The following TASOR variants were observed in gnomAD, a reference collection of about 807,000 sequenced individuals.
The protein encoded by TASOR is protein TASOR.
Under a neutral mutation model 178.6 loss-of-function variants are expected in TASOR, and 53 were observed. The ratio of observed to expected loss-of-function variants is 0.30; its 90% CI spans 0.24 to 0.37. The LOEUF (loss-of-function observed/expected upper bound fraction) is 0.37, where lower values mean the gene tolerates loss of function less well. Ranked by LOEUF, TASOR falls within the 10% of genes least tolerant of loss-of-function variation. TASOR has a pLI of 1.00. For missense variants in TASOR, 1,815 were observed against 1,971.4 expected (o/e 0.92, Z 1.50); for synonymous variants, 713 against 696.2 (o/e 1.02, Z -0.38).
intron 11 of TASOR, among the ~76,000 whole-genome samples, chr3:56,650,241 G>T (rs1254246454): frequency 1.3e-5 from 2 of 152,166 alleles, no homozygotes; most frequent in African/African-American, 4.8e-5. Context: ...AACAACGCCT[G>T]TATAAAAACT....
At position 56,641,816 on chromosome 3, in the gene TASOR, AAAT is replaced by A. The variant is rs2077131057; in HGVS notation, c.2216-67_2216-65del. ...AAGCAAGCATAAAACTTTTAAAATC[AAAT>A]ATACCTAAAAAATTATCATAAAGCA... is the stretch of plus-strand genomic sequence containing the variant. On this transcript the variant is annotated intron_variant, in intron 14 of 23. Coordinates refer to ENST00000683822, the MANE Select transcript of TASOR (RefSeq NM_001365635.2). 3 of 1,464,452 alleles carry A rather than the reference AAAT, an allele frequency of 2.0e-6. No individual in the cohort carries two copies. In the South Asian group the frequency reaches 4.2e-5, roughly 20 times the overall value. 90.7% of individuals were successfully genotyped at this position (1,464,452 alleles called of 1,614,324 possible). A position where few individuals can be genotyped will look rare whatever the true frequency, so the allele number is the denominator to read the frequency against.
intron 14 of TASOR, 25 bp downstream of exon 14, chr3:56,646,497 T>A: frequency 6.4e-7 from 1 of 1,551,288 alleles, no homozygotes; most frequent in Non-Finnish European, 8.7e-7. Flanking sequence ...TTTTTGGCTG[T>A]TATAAGAGCA....
intron 1 of TASOR, among the ~76,000 whole-genome samples, chr3:56,675,869 T>C (rs2031244729): frequency 6.6e-6 from 1 of 152,240 alleles, no homozygotes; most frequent in South Asian, 2.1e-4. Context: ...GACAGAGCCA[T>C]TCATCCATTC....
At chr3:56,676,285 C>G (rs545951739) in intron 1 of TASOR, among the ~76,000 whole-genome samples, 1 of 152,250 alleles carries the variant, frequency 6.6e-6, no homozygotes, top group East Asian at 1.9e-4. Flanking sequence ...ACAATATATT[C>G]TACTACTAAA....
chr3:56,670,599 G>T (rs1465200906), intron 3 of TASOR, among the ~76,000 whole-genome samples: 1 of 152,090 alleles, frequency 6.6e-6, no homozygotes, highest in South Asian at 2.1e-4. Flanking sequence ...AAGAGAATTA[G>T]AAACAGCAAA....
chr3:56,654,155 T>C (rs1305306809), intron 11 of TASOR, among the ~76,000 whole-genome samples: 2 of 151,876 alleles, frequency 1.3e-5, no homozygotes, highest in Non-Finnish European at 2.9e-5. Context: ...TAATCCCAGC[T>C]ACTTGGGAGG....
In TASOR at chr3:56,652,481, A is replaced by G. The variant is rs560565093; in HGVS notation, c.1369-3424T>C. Among the ~76,000 whole-genome samples, 199 of 151,866 alleles carry G rather than the reference A, an allele frequency of 1.3e-3. 1 individual carries two copies. Among genetic ancestry groups the G allele is most frequent in the African/African-American group, 4.4e-3 (183 of 41,410 alleles). ...AGGTAAGAGGATCACTGGACCCCAG[A>G]AAGTCGAGGGTGCAGTGAGCCAGGA... On this transcript the variant is annotated intron_variant, in intron 11 of 23. Coordinates refer to ENST00000683822, the MANE Select transcript of TASOR (RefSeq NM_001365635.2).
intron 17 of TASOR, among the ~76,000 whole-genome samples, chr3:56,635,882 A>C (rs1250321111): frequency 6.6e-6 from 1 of 152,242 alleles, no homozygotes; most frequent in Non-Finnish European, 1.5e-5. Context: ...TTAACCTGAA[A>C]TATAAATTAA....
intron 16 of TASOR, 51 bp from the exon 17 acceptor site, chr3:56,638,816 C>T (rs370734726): frequency 3.3e-5 from 52 of 1,569,670 alleles, no homozygotes; most frequent in Non-Finnish European, 4.3e-5. Context: ...GATACCTACA[C>T]TAAGCACCTT....
rs1188696403 is a variant in TASOR at position 56,670,076 on chromosome 3, T to C, written c.640A>G (p.Met214Val). ...ATTTAAAAAGAAAAAAGATTACCCA[T>C]GGAAGGACTGCCAAGAATTGTTATT... Reference protein sequence around the residue: ...SKITILGSPSMGVYLSRYADL... With the variant: ...SKITILGSPSVGVYLSRYADL... Residue 214 changes from methionine (M) to valine (V), a missense_variant, in exon 4 of 24, where the codon ATG becomes GTG. Coordinates refer to ENST00000683822, the MANE Select transcript of TASOR (RefSeq NM_001365635.2). The C allele has an allele frequency of 2.0e-6, 3 of 1,534,148 alleles. No homozygotes were observed. Among genetic ancestry groups the C allele is most frequent in the Middle Eastern group, 1.7e-4 (1 of 5,906 alleles).
chr3:56,679,519 A>G (rs945656654), intron 1 of TASOR, among the ~76,000 whole-genome samples: 3 of 152,368 alleles, frequency 2.0e-5, no homozygotes, highest in South Asian at 4.1e-4. Context: ...CTTGGCTCCA[A>G]TGACTTCAAA....
In TASOR at chr3:56,663,597, A is replaced by G. The variant is rs952720393; in HGVS notation, c.1023-25T>C. The G allele has an allele frequency of 1.3e-5, 17 of 1,309,380 alleles. No individual in the cohort carries two copies. In the African/African-American group the frequency reaches 2.1e-4, roughly 16 times the overall value. 81.1% of individuals were successfully genotyped at this position (1,309,380 alleles called of 1,614,324 possible). Reference sequence around the variant, plus strand: ...TCTACAAATTTTTTAAAAGAAAAGAAAAACATTACTCATTAGTATAATCAT... The same window carrying G: ...TCTACAAATTTTTTAAAAGAAAAGAGAAACATTACTCATTAGTATAATCAT... On this transcript the variant is annotated intron_variant, in intron 7 of 23. Coordinates refer to ENST00000683822, the MANE Select transcript of TASOR (RefSeq NM_001365635.2).
chr3:56,674,832 GT>G (rs1475383006), intron 1 of TASOR, among the ~76,000 whole-genome samples: 1 of 152,128 alleles, frequency 6.6e-6, no homozygotes, highest in African/African-American at 2.4e-5. Context: ...GACATTGTTT[GT>G]TTTGAGATGG....
intron 13 of TASOR, among the ~76,000 whole-genome samples, 191 bp downstream of exon 13, chr3:56,648,631 C>CAAAAAAAAAAAAAAAAAAA: frequency 1.2e-5 from 1 of 84,566 alleles, no homozygotes; most frequent in Non-Finnish European, 2.5e-5. Context: ...AACTCTGTAT[C>CAAAAAAAAAAAAAAAAAAA]AAAAAAAAAA....
intron 13 of TASOR, among the ~76,000 whole-genome samples, chr3:56,648,131 T>C (rs1174279972): frequency 3.3e-5 from 5 of 149,914 alleles, no homozygotes; most frequent in Non-Finnish European, 7.4e-5. Context: ...CACTTGAGCC[T>C]AGGAGGGAGG....
chr3:56,638,923 G>A (rs1324293234), intron 16 of TASOR, among the ~76,000 whole-genome samples, 158 bp from the exon 17 acceptor site: 2 of 152,194 alleles, frequency 1.3e-5, no homozygotes, highest in African/African-American at 4.8e-5. Context: ...CAACACTTAA[G>A]ACATTGTACC....
intron 1 of TASOR, among the ~76,000 whole-genome samples, chr3:56,678,068 G>C (rs2031467788): frequency 6.6e-6 from 1 of 151,652 alleles, no homozygotes; most frequent in African/African-American, 2.4e-5. Flanking sequence ...ATTCAAACGA[G>C]GAAACTGATA....
intron 11 of TASOR, among the ~76,000 whole-genome samples, chr3:56,651,112 C>CA (rs2077342838): frequency 6.6e-6 from 1 of 152,038 alleles, no homozygotes; most frequent in Admixed American, 6.6e-5. Context: ...CCATGGAGTA[C>CA]AAGCAATCTA....
chr3:56,662,597 G>T, intron 8 of TASOR, 107 bp from the exon 9 acceptor site: 14 of 481,444 alleles, frequency 2.9e-5, no homozygotes, highest in Non-Finnish European at 4.1e-5. Context: ...CAAGGTTTAA[G>T]TAGGAGGGCA....
Sources: allele counts gnomAD v4.1 joint callset (sites outside exome capture counted in the v4.1 genomes callset), GRCh38; gene constraint gnomAD v4.1.1; transcripts MANE v1.5; gene names NCBI Gene and HGNC (gene_info 2026-07-23, HGNC 2026-07-21).